The following MYO3A variants were observed in gnomAD, a reference collection of about 807,000 sequenced individuals.
MYO3A encodes the protein myosin-IIIa.
MYO3A carries 180 observed loss-of-function variants against 192.7 expected under a neutral mutation model. That is an observed-to-expected ratio of 0.93 (90% CI 0.83 to 1.06). MYO3A has a LOEUF of 1.06. Among genes scored for constraint, MYO3A ranks in the 50% least tolerant of loss-of-function variants. The probability of loss-of-function intolerance (pLI) is 0.00; values close to 1 mark genes in which losing one functional copy is unlikely to be tolerated. For missense variants in MYO3A, 1,896 were observed against 1,905.0 expected (o/e 1.00, Z 0.09); for synonymous variants, 628 against 645.3 (o/e 0.97, Z 0.41).
At chr10:25,995,779 G>A (rs948514237) in intron 4 of MYO3A, among the ~76,000 whole-genome samples, 1 of 152,224 alleles carries the variant, frequency 6.6e-6, no homozygotes, top group East Asian at 1.9e-4. Flanking sequence ...TCCAGACCCT[G>A]TTTGCCTGGG....
chr10:26,041,337 T>TG (rs1843335295), intron 10 of MYO3A, among the ~76,000 whole-genome samples: 1 of 142,564 alleles, frequency 7.0e-6, no homozygotes, highest in Non-Finnish European at 1.5e-5. Context: ...TAGTTTGGGT[T>TG]TTTGTTGTTG....
chr10:26,163,782 C>T (rs1018112903), intron 26 of MYO3A, among the ~76,000 whole-genome samples: 2 of 152,108 alleles, frequency 1.3e-5, no homozygotes, highest in South Asian at 2.1e-4. Context: ...TTAGGAATCA[C>T]CACATACAGG....
rs751032981 is a variant in MYO3A, at chr10:26,147,479, C to G, written c.2555C>G (p.Pro852Arg). The G allele has an allele frequency of 6.2e-7, 1 of 1,613,908 alleles. No homozygotes were observed. The highest frequency in any genetic ancestry group is 8.5e-7 in the Non-Finnish European group (1 of 1,179,844). ...GFLAKNRDTLPTDIVLLLRSS... is the reference protein window; with the variant it reads ...GFLAKNRDTLRTDIVLLLRSS... ...TTAGCCAAAAACAGAGACACTCTTC[C>G]TACTGACATTGTGCTACTTTTGAGG... Residue 852 changes from proline to arginine, a missense_variant, in exon 23 of 35, where the codon CCT (proline) becomes CGT (arginine). By Grantham distance (103) the Pro-to-Arg change is moderately radical (BLOSUM62 -2). Coordinates refer to ENST00000642920, the MANE Select transcript of MYO3A (RefSeq NM_017433.5).
At chr10:26,056,176 C>G (rs932424713) in intron 10 of MYO3A, among the ~76,000 whole-genome samples, 2 of 152,028 alleles carry the variant, frequency 1.3e-5, no homozygotes, top group Non-Finnish European at 2.9e-5. Flanking sequence ...TGTTAGAAAT[C>G]AAAAGCACTG....
At chr10:26,038,317 G>T (rs1395969221) in intron 10 of MYO3A, among the ~76,000 whole-genome samples, 1 of 152,108 alleles carries the variant, frequency 6.6e-6, no homozygotes, top group African/African-American at 2.4e-5. Context: ...TAACAATATT[G>T]ATTCTTCTAA....
chr10:26,014,150 T>TA (rs1297854849), intron 6 of MYO3A, among the ~76,000 whole-genome samples: 1 of 151,872 alleles, frequency 6.6e-6, no homozygotes, highest in Admixed American at 6.6e-5. Flanking sequence ...GGGCTAGGGA[T>TA]AAAAAAACTA....
chr10:25,941,265 G>A (rs1836467886), intron 2 of MYO3A, among the ~76,000 whole-genome samples: 1 of 152,178 alleles, frequency 6.6e-6, no homozygotes, highest in African/African-American at 2.4e-5. Flanking sequence ...GACAGTTTCT[G>A]TCCTACAGGG....
chr10:26,203,107 G>C lies in MYO3A; in HGVS notation c.4730G>C (p.Arg1577Thr). Residue 1577 changes from arginine to threonine, a missense_variant and splice_region_variant, in exon 34 of 35, where the codon AGG becomes ACG. Transcript: ENST00000642920. ...AATCAATGTATTAAGGCTAATGAAA[G>C]GTAAAAAGCTAAACTTTAAAGTACA... is the stretch of plus-strand genomic sequence containing the variant. Reference protein sequence around the residue: ...LQNQCIKANERCWAAESPEKE... With the variant: ...LQNQCIKANETCWAAESPEKE... The C allele has an allele frequency of 6.2e-7, 1 of 1,613,316 alleles. No homozygotes were observed. Among genetic ancestry groups the C allele is most frequent in the Non-Finnish European group, 8.5e-7 (1 of 1,179,588 alleles).
At chr10:26,029,723 T>C (rs1410236341) in intron 10 of MYO3A, among the ~76,000 whole-genome samples, 1 of 152,224 alleles carries the variant, frequency 6.6e-6, no homozygotes, top group Non-Finnish European at 1.5e-5. Context: ...TCTTTGATCT[T>C]AAACATACTT....
intron 8 of MYO3A, 36 bp from the exon 9 acceptor site, chr10:26,023,986 A>G (rs1046570890): frequency 1.8e-5 from 29 of 1,574,872 alleles, no homozygotes; most frequent in Non-Finnish European, 2.4e-5. Flanking sequence ...TGACTGACCA[A>G]TATACAGAAT....
intron 14 of MYO3A, among the ~76,000 whole-genome samples, chr10:26,082,551 G>A (rs1306958824): frequency 2.0e-5 from 3 of 152,092 alleles, no homozygotes; most frequent in Non-Finnish European, 2.9e-5. Flanking sequence ...CCCCACAGGG[G>A]ATATGATCCA....
intron 19 of MYO3A, among the ~76,000 whole-genome samples, 164 bp downstream of exon 19, chr10:26,125,772 C>G (rs1192610464): frequency 6.6e-6 from 1 of 152,052 alleles, no homozygotes; most frequent in Non-Finnish European, 1.5e-5. Flanking sequence ...CCTAATAGTT[C>G]CACCTCATAA....
chr10:26,042,970 G>A (rs529889781), intron 10 of MYO3A, among the ~76,000 whole-genome samples: 1 of 152,290 alleles, frequency 6.6e-6, no homozygotes, highest in East Asian at 1.9e-4. Context: ...AGGCTTTCCA[G>A]GCATTTGAAA....
At chr10:26,117,379 C>T (rs1838575663) in intron 17 of MYO3A, among the ~76,000 whole-genome samples, 1 of 152,080 alleles carries the variant, frequency 6.6e-6, no homozygotes, top group African/African-American at 2.4e-5. Flanking sequence ...TATAGGGAAA[C>T]GTGTGTCACG....
chr10:25,935,168 A>C (rs11014866), intron 1 of MYO3A, among the ~76,000 whole-genome samples: 19,103 of 152,172 alleles, frequency 0.13, 1,390 homozygotes, highest in African/African-American at 0.18. Context: ...AAGGAGTTTT[A>C]ATTTTAAGGA....
Position 26,212,362 on chromosome 10 carries a change from T to TA in MYO3A, c.*400dup, listed in dbSNP as rs1564651414. 2.9e-6 allele frequency: 1 copy of TA among 349,786 alleles called. No homozygotes were observed. 21.7% of individuals were successfully genotyped at this position (349,786 alleles called of 1,614,324 possible). ...GACTGAATTCACAGATTTTTTTTTT[T>TA]ATTGGAAACGGCTTTTCTTGGCCAA... On this transcript the variant is annotated 3_prime_UTR_variant, in exon 35 of 35. Transcript: ENST00000642920.
At chr10:26,194,004 A>G (rs991005843) in intron 32 of MYO3A, among the ~76,000 whole-genome samples, 3 of 152,150 alleles carry the variant, frequency 2.0e-5, no homozygotes, top group African/African-American at 7.2e-5. Context: ...TAAACCAAGA[A>G]CCTGGGAGTC....
intron 4 of MYO3A, among the ~76,000 whole-genome samples, chr10:25,972,825 A>G (rs1479388711): frequency 1.3e-5 from 2 of 152,204 alleles, no homozygotes; most frequent in East Asian, 3.9e-4. Context: ...ATTAGGCTCC[A>G]CTAATTGTCA....
chr10:26,088,503 A>T (rs1836481967), intron 15 of MYO3A, 98 bp downstream of exon 15: 1 of 1,156,074 alleles, frequency 8.6e-7, no homozygotes, highest in Non-Finnish European at 1.3e-6. Context: ...AATTTTATTT[A>T]TCACTTACTA....
Sources: allele counts gnomAD v4.1 joint callset (sites outside exome capture counted in the v4.1 genomes callset), GRCh38; gene constraint gnomAD v4.1.1; transcripts MANE v1.5; gene names NCBI Gene and HGNC (gene_info 2026-07-23, HGNC 2026-07-21).